Variants in CROCC2 observed in about 807,000 individuals in gnomAD.
The protein encoded by CROCC2 is ciliary rootlet coiled-coil, rootletin family member 2.
A neutral mutation model predicts 177.6 loss-of-function variants in CROCC2; 163 were observed. That is an observed-to-expected ratio of 0.92 (90% CI 0.81 to 1.05). The LOEUF is 1.05. Ranked by LOEUF, CROCC2 falls within the 50% of genes least tolerant of loss-of-function variation. The pLI, the probability that CROCC2 is intolerant of heterozygous loss-of-function variation, is 0.00. For missense variants in CROCC2, 1,929 were observed against 1,797.8 expected, an observed-to-expected ratio of 1.07 and a Z score of -1.32; for synonymous variants, 904 against 787.3, an observed-to-expected ratio of 1.15 and a Z score of -2.48.
Position 240,949,149 on chromosome 2 carries a change from G to A in CROCC2, c.2482+52G>A, listed in dbSNP as rs1051717324. On this transcript the variant is annotated intron_variant, in intron 16 of 31. Transcript: ENST00000690015. The surrounding 1 kb of genome is among the most constrained non-coding windows in gnomAD (Gnocchi z 4.5). ...CTTCCCCGAAAGTCAGCCATGGAGG[G>A]GCCCCTGGAATGGAGCTCAGTGCCC... is the stretch of plus-strand genomic sequence containing the variant. 3 of 1,478,202 alleles carry A rather than the reference G, an allele frequency of 2.0e-6. No homozygotes were observed. The highest frequency in any genetic ancestry group is 2.5e-5 in the Admixed American group (1 of 40,712). The allele number at this position is 1,478,202 out of a possible 1,614,324, so 91.6% of individuals were successfully genotyped here. A position where few individuals can be genotyped will look rare whatever the true frequency, so the allele number is the denominator to read the frequency against.
chr2:240,951,212 C>T (rs548054437), intron 18 of CROCC2, among the ~76,000 whole-genome samples: 13 of 151,294 alleles, frequency 8.6e-5, no homozygotes, highest in East Asian at 7.9e-4. Context: ...TTCATCCATC[C>T]GTCTGTCCAT....
rs58145871 is a variant in CROCC2 at position 240,928,420 on chromosome 2, TTGTGTGTGTGTG to T, written c.646-1724_646-1713del. ...TCTTGCAGGGTCATGTGTGCCTGTTTTGTGTGTGTGTGTGTGTGTGTGTGTGTGTGTGTAGCA... is the reference window on the plus strand; with the variant it reads ...TCTTGCAGGGTCATGTGTGCCTGTTTTGTGTGTGTGTGTGTGTGTGTAGCA... On this transcript the variant is annotated intron_variant, in intron 5 of 31. Coordinates refer to ENST00000690015, the MANE Select transcript of CROCC2 (RefSeq NM_001351305.2). 0.011 allele frequency among the ~76,000 whole-genome samples: 1,692 copies of T among 147,762 alleles called. 70 individuals carry two copies. In the East Asian group the frequency reaches 0.15, roughly 13 times the overall value.
At chr2:240,954,260 A>G (rs1410046137) in intron 18 of CROCC2, among the ~76,000 whole-genome samples, 1 of 152,200 alleles carries the variant, frequency 6.6e-6, no homozygotes, top group Non-Finnish European at 1.5e-5. Flanking sequence ...ATTCTGACCC[A>G]GAGAGCACAG....
At chr2:240,992,968 A>C (rs879716853) in intron 31 of CROCC2, 98 bp from the exon 32 acceptor site, 2 of 678,832 alleles carry the variant, frequency 2.9e-6, no homozygotes, top group Non-Finnish European at 5.5e-6. Context: ...AGTTGTGGGC[A>C]GGAGACTCAG....
Position 240,949,619 on chromosome 2 carries a change from C to T in CROCC2, c.2569C>T (p.Gln857Ter), listed in dbSNP as rs1308767957. ...GGTGCGGCTCCAGCGACAGGTGGCA[C>T]AGCAGGAGCGGGAGGCACAGCGGGC... is the stretch of plus-strand genomic sequence containing the variant. ...DTVRLQRQVA[Q>*]QEREAQRALE... is the part of the protein sequence containing the mutation. The change falls in exon 17 of 32, where the codon CAG (glutamine) becomes TAG (stop). Residue 857 changes from glutamine (Q) to a stop codon, truncating the protein, a stop_gained. Coordinates refer to ENST00000690015, the MANE Select transcript of CROCC2 (RefSeq NM_001351305.2). LOFTEE classifies it high-confidence loss of function. This position sits in a 1 kb window ranked among gnomAD's most constrained non-coding sequence, Gnocchi z 4.5. 8.4e-6 allele frequency: 13 copies of T among 1,550,466 alleles called. No individual in the cohort carries two copies. In the Admixed American group the frequency reaches 1.2e-4, roughly 14 times the overall value.
intron 28 of CROCC2, among the ~76,000 whole-genome samples, chr2:240,987,528 G>C (rs2059848590): frequency 6.6e-6 from 1 of 152,158 alleles, no homozygotes. Flanking sequence ...TTTTTGTAAA[G>C]TTCCAACCAC....
At chr2:240,934,794 A>G (rs1245417451) in intron 12 of CROCC2, 122 bp from the exon 13 acceptor site, 3 of 1,135,010 alleles carry the variant, frequency 2.6e-6, no homozygotes, top group African/African-American at 1.6e-5. Context: ...CCTTCCCACC[A>G]TGTCCGCCCA....
intron 1 of CROCC2, among the ~76,000 whole-genome samples, chr2:240,914,482 C>T (rs1018774851): frequency 2.0e-5 from 3 of 152,258 alleles, no homozygotes; most frequent in African/African-American, 7.2e-5. Flanking sequence ...AAACCCCCAG[C>T]CCCAGCCTCC....
chr2:240,932,907 A>G lies in CROCC2; in HGVS notation c.1250A>G (p.Gln417Arg). 6.5e-7 allele frequency: 1 copy of G among 1,545,378 alleles called. No individual in the cohort carries two copies. Among genetic ancestry groups the G allele is most frequent in the Non-Finnish European group, 8.7e-7 (1 of 1,146,228 alleles). Residue 417 changes from glutamine (Q) to arginine (R), a missense_variant and splice_region_variant, in exon 9 of 32, where the codon CAG becomes CGG. Transcript: ENST00000690015. ...AAIERRWRRE[Q>R]ELCLQLKSSQ... Reference sequence around the variant, plus strand: ...ATAGAGAGGCGGTGGCGGCGGGAACAGGTGGGCAGCCGCAGCCCACAGGAC... The same window carrying G: ...ATAGAGAGGCGGTGGCGGCGGGAACGGGTGGGCAGCCGCAGCCCACAGGAC...
At chr2:240,984,005 G>T (rs2106491344) in intron 28 of CROCC2, among the ~76,000 whole-genome samples, 1 of 152,304 alleles carries the variant, frequency 6.6e-6, no homozygotes, top group South Asian at 2.1e-4. Context: ...CGCTCACAAG[G>T]ATAGTGGCCC....
intron 3 of CROCC2, among the ~76,000 whole-genome samples, chr2:240,922,041 A>G (rs74000120): frequency 6.6e-6 from 1 of 152,046 alleles, no homozygotes; most frequent in Non-Finnish European, 1.5e-5. Flanking sequence ...ACCACACTCA[A>G]TCTCCAGGGG....
At chr2:240,932,995 C>T (rs2059444158) in intron 9 of CROCC2, 87 bp downstream of exon 9, 6 of 1,465,658 alleles carry the variant, frequency 4.1e-6, no homozygotes, top group Non-Finnish European at 5.4e-6. Flanking sequence ...ATGGGGCCTG[C>T]CCCTGAGCCC....
chr2:240,964,416 C>T (rs2059662850), intron 21 of CROCC2, 50 bp from the exon 22 acceptor site: 1 of 1,544,338 alleles, frequency 6.5e-7, no homozygotes, highest in Non-Finnish European at 8.7e-7. Flanking sequence ...GGCAGCTGTG[C>T]TGGCCCCACC....
rs575273528 is a variant in CROCC2 at position 240,982,893 on chromosome 2, C to T, written c.4415C>T (p.Thr1472Met). 87 of 1,548,688 alleles carry T rather than the reference C, an allele frequency of 5.6e-5. No homozygotes were observed. Among genetic ancestry groups the T allele is most frequent in the South Asian group, 1.3e-4 (11 of 83,824 alleles). ...EKRRLQEQLE[T>M]LRQALEESRR... is the part of the protein sequence containing the mutation. ...CCTTCCCCCCAGGAGCAACTGGAAA[C>T]GCTGCGCCAGGCTCTTGAAGAGAGC... Residue 1472 changes from threonine to methionine, a missense_variant, in exon 28 of 32, where the codon ACG becomes ATG. Coordinates refer to ENST00000690015, the MANE Select transcript of CROCC2 (RefSeq NM_001351305.2). The surrounding 1 kb of genome is among the most constrained non-coding windows in gnomAD (Gnocchi z 4.7).
intron 28 of CROCC2, among the ~76,000 whole-genome samples, chr2:240,984,009 G>T (rs1480283039): frequency 6.6e-6 from 1 of 152,202 alleles, no homozygotes; most frequent in African/African-American, 2.4e-5. Context: ...CACAAGGATA[G>T]TGGCCCCTGA....
intron 1 of CROCC2, among the ~76,000 whole-genome samples, chr2:240,907,725 GCTCTACCTCCTCCACCTCGGGTGAC>G (rs1553653601): frequency 2.9e-4 from 19 of 66,524 alleles, no homozygotes; most frequent in Non-Finnish European, 1.6e-4. Flanking sequence ...CCTGGGGTGA[GCTCTACCTCCTCCACCTCGGGTGAC>G]CTCTACCTCC....
intron 28 of CROCC2, among the ~76,000 whole-genome samples, chr2:240,984,438 G>A (rs985134018): frequency 2.6e-5 from 4 of 151,790 alleles, no homozygotes; most frequent in African/African-American, 4.8e-5. Flanking sequence ...CACCCCAGCC[G>A]TCACTCTGGG....
intron 5 of CROCC2, 49 bp from the exon 6 acceptor site, chr2:240,930,117 G>A (rs1449265916): frequency 9.4e-6 from 5 of 532,192 alleles, no homozygotes; most frequent in Non-Finnish European, 1.7e-5. Flanking sequence ...GCTTCAGGGA[G>A]GGTAAAGGGG....
At position 240,970,080 on chromosome 2, in the gene CROCC2, C is replaced by A. The variant is rs367581079; in HGVS notation, c.4401+1818C>A. ...TTTACAAATGCATTATTCAAATAGG[C>A]CACATTTGATCCAGTTCCTGAATTT... is the stretch of plus-strand genomic sequence containing the variant. On this transcript the variant is annotated intron_variant, in intron 27 of 31. Coordinates refer to ENST00000690015, the MANE Select transcript of CROCC2 (RefSeq NM_001351305.2). Among the ~76,000 whole-genome samples the A allele has an allele frequency of 5.9e-5, 9 of 152,280 alleles. No individual in the cohort carries two copies. The East Asian group carries it at 1.5e-3, about 26-fold the overall frequency.
Sources: allele counts gnomAD v4.1 joint callset (sites outside exome capture counted in the v4.1 genomes callset), GRCh38; gene constraint gnomAD v4.1.1; non-coding constraint Gnocchi (gnomAD v3.1); transcripts MANE v1.5; gene names NCBI Gene and HGNC (gene_info 2026-07-23, HGNC 2026-07-21).